PPP2R5E: variants seen among roughly 807,000 people sequenced by gnomAD.
PPP2R5E encodes protein phosphatase 2 regulatory subunit B'epsilon.
A neutral mutation model predicts 65.3 loss-of-function variants in PPP2R5E; 4 were observed. The observed-to-expected ratio is 0.06, with a 90% CI of 0.03 to 0.14. The LOEUF (loss-of-function observed/expected upper bound fraction) is 0.14, where lower values mean the gene tolerates loss of function less well. PPP2R5E is among the 10% of genes least tolerant of loss of function. PPP2R5E has a pLI of 1.00. For missense variants in PPP2R5E, 274 were observed against 556.1 expected (o/e 0.49, Z 5.10); for synonymous variants, 183 against 187.4 (o/e 0.98, Z 0.19).
intron 13 of PPP2R5E, among the ~76,000 whole-genome samples, chr14:63,377,760 C>A (rs910436373): frequency 6.6e-6 from 1 of 152,184 alleles, no homozygotes; most frequent in African/African-American, 2.4e-5. Flanking sequence ...GACTAGTTTT[C>A]ATAAAATTAC....
chr14:63,411,782 C>T (rs1258219076), intron 5 of PPP2R5E, among the ~76,000 whole-genome samples: 1 of 152,018 alleles, frequency 6.6e-6, no homozygotes, highest in Non-Finnish European at 1.5e-5. Flanking sequence ...TCCTGAGGCC[C>T]TCACCAGAAG....
At chr14:63,390,295 GACACAC>G (rs59239063) in intron 10 of PPP2R5E, among the ~76,000 whole-genome samples, 1,957 of 140,166 alleles carry the variant, frequency 0.014, 15 homozygotes, top group East Asian at 0.034. Context: ...ACGCATTCTC[GACACAC>G]ACACACACAC....
chr14:63,413,915 C>A, intron 5 of PPP2R5E, among the ~76,000 whole-genome samples: 1 of 152,240 alleles, frequency 6.6e-6, no homozygotes, highest in East Asian at 1.9e-4. Context: ...CTCAAGGATC[C>A]GCCCCATGTA....
chr14:63,443,146 C>A (rs573915760), intron 3 of PPP2R5E, among the ~76,000 whole-genome samples: 1 of 152,076 alleles, frequency 6.6e-6, no homozygotes, highest in East Asian at 1.9e-4. Flanking sequence ...AACCAAGTGA[C>A]AGGTTATAAT....
intron 2 of PPP2R5E, among the ~76,000 whole-genome samples, chr14:63,466,544 T>C (rs1340157564): frequency 3.3e-5 from 5 of 152,228 alleles, no homozygotes; most frequent in Admixed American, 6.5e-5. Flanking sequence ...AGCTCTCCCA[T>C]GCTTCATACA....
At chr14:63,541,808 T>C (rs1239019966) in intron 1 of PPP2R5E, among the ~76,000 whole-genome samples, 1 of 152,182 alleles carries the variant, frequency 6.6e-6, no homozygotes, top group Non-Finnish European at 1.5e-5. Flanking sequence ...TTGGAAGTCT[T>C]CTTTGGTTTT....
chr14:63,481,270 G>A (rs1890683317), intron 2 of PPP2R5E, among the ~76,000 whole-genome samples: 1 of 152,118 alleles, frequency 6.6e-6, no homozygotes, highest in Non-Finnish European at 1.5e-5. Flanking sequence ...GCCGAGGCGG[G>A]TGAATCACCT....
At chr14:63,430,368 T>TGC (rs1887580679) in intron 3 of PPP2R5E, among the ~76,000 whole-genome samples, 5 of 129,122 alleles carry the variant, frequency 3.9e-5, no homozygotes, top group Admixed American at 2.3e-4. Flanking sequence ...CATACATACA[T>TGC]ACATGCATGC....
intron 3 of PPP2R5E, among the ~76,000 whole-genome samples, chr14:63,424,578 C>T (rs1441428421): frequency 1.3e-5 from 2 of 151,964 alleles, no homozygotes; most frequent in African/African-American, 4.8e-5. Context: ...GGTGAAACCC[C>T]GTCTCTACTA....
chr14:63,388,309 T>C (rs1038102085), intron 11 of PPP2R5E, among the ~76,000 whole-genome samples: 5 of 152,086 alleles, frequency 3.3e-5, no homozygotes, highest in Non-Finnish European at 5.9e-5. Context: ...TCCAGCTAAT[T>C]TTTGTATTTT....
chr14:63,390,166 C>A (rs1466575608), intron 10 of PPP2R5E, among the ~76,000 whole-genome samples: 2 of 151,974 alleles, frequency 1.3e-5, no homozygotes, highest in South Asian at 4.2e-4. Flanking sequence ...TACGTACAGC[C>A]CCTGCTACAT....
chr14:63,492,893 A>C (rs192009837), intron 2 of PPP2R5E, among the ~76,000 whole-genome samples: 375 of 152,278 alleles, frequency 2.5e-3, no homozygotes, highest in Non-Finnish European at 3.8e-3. Context: ...TTGCGTCTTT[A>C]GACAACGTTT....
Position 63,412,291 on chromosome 14 carries a change from A to G in PPP2R5E, c.549+2849T>C, listed in dbSNP as rs550767163. Among the ~76,000 whole-genome samples, 89 of 152,366 alleles carry G rather than the reference A, an allele frequency of 5.8e-4. No individual in the cohort carries two copies. The South Asian group carries it at 0.018, about 30-fold the overall frequency. On this transcript the variant is annotated intron_variant, in intron 5 of 13. Coordinates refer to ENST00000337537, the MANE Select transcript of PPP2R5E (RefSeq NM_006246.5). ...CTGTTTGTTTAAAAAAGGGAAAAGA[A>G]GAGAAACATGCAGCAATATGCAGAA...
At chr14:63,430,373 G>GCATACATACATA (rs1402372223) in intron 3 of PPP2R5E, among the ~76,000 whole-genome samples, 49 of 126,642 alleles carry the variant, frequency 3.9e-4, no homozygotes, top group African/African-American at 1.3e-3. Context: ...ATACATACAT[G>GCATACATACATA]CATGCATACA....
At chr14:63,513,561 A>C (rs1420268561) in intron 2 of PPP2R5E, among the ~76,000 whole-genome samples, 4 of 152,214 alleles carry the variant, frequency 2.6e-5, no homozygotes, top group African/African-American at 9.6e-5. Context: ...TATTAAAAAC[A>C]AATGAACAGA....
chr14:63,431,432 A>C (rs908562889), intron 3 of PPP2R5E, among the ~76,000 whole-genome samples: 7 of 152,240 alleles, frequency 4.6e-5, no homozygotes, highest in African/African-American at 1.4e-4. Context: ...ATCAATAATT[A>C]TAATTTTCAG....
chr14:63,480,194 A>G (rs887541695), intron 2 of PPP2R5E, among the ~76,000 whole-genome samples: 3 of 152,060 alleles, frequency 2.0e-5, no homozygotes, highest in Admixed American at 6.5e-5. Context: ...GTGGTGGCTC[A>G]TGCCTGTAAT....
intron 3 of PPP2R5E, among the ~76,000 whole-genome samples, chr14:63,450,074 C>G (rs1028157983): frequency 3.9e-5 from 6 of 152,136 alleles, no homozygotes; most frequent in Non-Finnish European, 7.4e-5. Flanking sequence ...TGGGCTTTCA[C>G]CATGTTGGAC....
At chr14:63,472,674 G>A (rs998284306) in intron 2 of PPP2R5E, among the ~76,000 whole-genome samples, 2 of 152,344 alleles carry the variant, frequency 1.3e-5, no homozygotes, top group East Asian at 1.9e-4. Flanking sequence ...AAGGAAAGGT[G>A]GAAGATATTT....
Sources: gnomAD v4.1 joint callset for allele counts (sites outside exome capture counted in the v4.1 genomes callset) on GRCh38, gnomAD v4.1.1 for gene constraint, MANE v1.5 for transcripts, NCBI Gene and HGNC (gene_info 2026-07-23, HGNC 2026-07-21) for gene names.